The following FBXL2 variants were observed in gnomAD, a reference collection of about 807,000 sequenced individuals.
The protein encoded by FBXL2 is F-box/LRR-repeat protein 2.
A neutral mutation model predicts 69.2 loss-of-function variants in FBXL2; 38 were observed. The ratio of observed to expected loss-of-function variants is 0.55; its 90% CI spans 0.42 to 0.72. FBXL2 has a LOEUF of 0.72. Ranked by LOEUF, FBXL2 falls within the 30% of genes least tolerant of loss-of-function variation. FBXL2 has a pLI of 0.00. For synonymous variants in FBXL2, 192 were observed against 201.3 expected (o/e 0.95, Z 0.39); for missense variants, 354 against 520.3 (o/e 0.68, Z 3.11).
downstream of FBXL2, chr3:33,390,653 A>G (rs1293324930): frequency 4.2e-6 from 2 of 478,172 alleles, no homozygotes; most frequent in Non-Finnish European, 7.6e-6. Context: ...ATCAAGACAC[A>G]CAATAATAGT....
intron 13 of FBXL2, chr3:33,383,776 T>C: frequency 1.8e-6 from 1 of 550,140 alleles, no homozygotes; most frequent in South Asian, 2.1e-5. Context: ...CAGTCTGTTT[T>C]GTGCTGCTAC....
At chr3:33,289,636 A>G (rs1441552346) in intron 1 of FBXL2, 1 of 341,310 alleles carries the variant, frequency 2.9e-6, no homozygotes, top group Non-Finnish European at 4.1e-6. Flanking sequence ...TACTGACTGC[A>G]CATAGGCTGG....
At chr3:33,319,290 A>T (rs569742955) in intron 2 of FBXL2, among the ~76,000 whole-genome samples, 61 of 152,056 alleles carry the variant, frequency 4.0e-4, no homozygotes, top group Admixed American at 2.5e-3. Flanking sequence ...ATAATTTTTT[A>T]TATATCTCTT....
chr3:33,385,655 G>A lies in FBXL2; in HGVS notation c.*47G>A. 6.8e-7 allele frequency: 1 copy of A among 1,465,790 alleles called. No homozygotes were observed. Among genetic ancestry groups the A allele is most frequent in the Non-Finnish European group, 9.6e-7 (1 of 1,045,520 alleles). The allele number at this position is 1,465,790 out of a possible 1,614,324, so 90.8% of individuals were successfully genotyped here. On this transcript the variant is annotated 3_prime_UTR_variant, in exon 15 of 15. Transcript: ENST00000484457. Reference sequence around the variant, plus strand: ...GGGTGATGAGGCATCCTTTCCTCTAGAAGACCTGAGTCTTCCTGACCGACT... The same window carrying A: ...GGGTGATGAGGCATCCTTTCCTCTAAAAGACCTGAGTCTTCCTGACCGACT...
At chr3:33,422,381 C>G in the FBXL2 span, among the ~76,000 whole-genome samples, 2 of 151,386 alleles carry the variant, frequency 1.3e-5, no homozygotes, top group African/African-American at 4.9e-5. Context: ...TCTCTAAAAA[C>G]AAACAAATAA....
downstream of FBXL2, chr3:33,392,371 T>C: frequency 3.9e-6 from 2 of 518,794 alleles, no homozygotes; most frequent in Middle Eastern, 3.8e-4. Flanking sequence ...TCCAGTCATC[T>C]AGAAAGACTG....
intron 2 of FBXL2, among the ~76,000 whole-genome samples, chr3:33,355,631 G>A (rs1035349374): frequency 6.6e-6 from 1 of 152,174 alleles, no homozygotes; most frequent in African/African-American, 2.4e-5. Flanking sequence ...GTGGCACAAA[G>A]ACAGACTAAT....
At chr3:33,408,612 T>TA, downstream of FBXL2, 1 of 1,209,376 alleles carries the variant, frequency 8.3e-7, no homozygotes, top group South Asian at 1.6e-5. Flanking sequence ...TGGCTTTACT[T>TA]TGCGGTGGAA....
chr3:33,401,131 G>A, intron 12 of FBXL2: 1 of 903,764 alleles, frequency 1.1e-6, no homozygotes, highest in Non-Finnish European at 1.6e-6. Context: ...AGGCAACAGT[G>A]GGAGACAGCT....
intron 4 of FBXL2, among the ~76,000 whole-genome samples, chr3:33,360,085 A>G (rs969603453): frequency 2.0e-5 from 3 of 152,184 alleles, no homozygotes; most frequent in Admixed American, 1.3e-4. Context: ...GAGATTCTGA[A>G]GTTTATTTTC....
At chr3:33,411,755 A>G in the FBXL2 span, 1 of 1,247,442 alleles carries the variant, frequency 8.0e-7, no homozygotes, top group South Asian at 1.2e-5. Flanking sequence ...ACAACTTACT[A>G]TATTATGTTC....
intron 4 of FBXL2, among the ~76,000 whole-genome samples, chr3:33,363,447 C>G (rs949651999): frequency 6.6e-6 from 1 of 152,184 alleles, no homozygotes; most frequent in Admixed American, 6.5e-5. Flanking sequence ...ATCAAATTGT[C>G]CCTTTGAACT....
intron 2 of FBXL2, among the ~76,000 whole-genome samples, chr3:33,358,010 T>G (rs1228208240): frequency 6.6e-6 from 1 of 152,232 alleles, no homozygotes; most frequent in East Asian, 1.9e-4. Flanking sequence ...GATTCTACTC[T>G]TCTTCCCTGA....
chr3:33,346,175 G>A (rs1016023805), intron 2 of FBXL2, among the ~76,000 whole-genome samples: 3 of 152,112 alleles, frequency 2.0e-5, no homozygotes, highest in Non-Finnish European at 4.4e-5. Flanking sequence ...GCAGTAAGCT[G>A]AGATCGTGCC....
At position 33,383,992 on chromosome 3, in the gene FBXL2, C is replaced by T; in HGVS notation, c.955C>T (p.Leu319=). The change falls in exon 14 of 15, where the codon CTG becomes TTG. Residue 319 remains leucine, a synonymous_variant. Transcript: ENST00000484457. The stretch of plus-strand genomic sequence containing the variant: ...TACTCATGTCTTCCTGTTCCAGAGC[C>T]TGTCCCACTGTGAACTCATCACAGA... ...IHCPKLQALS[L]SHCELITDDG... The T allele has an allele frequency of 6.2e-7, 1 of 1,613,962 alleles. No individual in the cohort carries two copies. The highest frequency in any genetic ancestry group is 1.1e-5 in the South Asian group (1 of 91,062).
At chr3:33,370,429 A>AAAAAAT (rs1222801103) in intron 5 of FBXL2, among the ~76,000 whole-genome samples, 1 of 152,004 alleles carries the variant, frequency 6.6e-6, no homozygotes, top group Non-Finnish European at 1.5e-5. Flanking sequence ...AAAAAAAAAA[A>AAAAAAT]AAATTGCTGA....
intron 2 of FBXL2, chr3:33,300,714 T>TC (rs1183196899): frequency 6.6e-6 from 1 of 151,104 alleles, no homozygotes; most frequent in African/African-American, 2.4e-5. Flanking sequence ...TGCTTTCTTT[T>TC]TTTTTTTTTT....
chr3:33,341,815 G>A (rs1203051584), intron 2 of FBXL2, among the ~76,000 whole-genome samples: 1 of 111,832 alleles, frequency 8.9e-6, no homozygotes, highest in South Asian at 4.1e-4. Context: ...AGGTGACAGA[G>A]CAAGACTCCG....
chr3:33,364,760 G>A (rs2154043298), intron 5 of FBXL2, 41 bp downstream of exon 5: 1 of 1,519,088 alleles, frequency 6.6e-7, no homozygotes, highest in Non-Finnish European at 9.1e-7. Context: ...GCAGCTTGTA[G>A]CATTTTCATC....
Sources: allele counts gnomAD v4.1 joint callset (sites outside exome capture counted in the v4.1 genomes callset), GRCh38; gene constraint gnomAD v4.1.1; transcripts MANE v1.5; gene names NCBI Gene and HGNC (gene_info 2026-07-23, HGNC 2026-07-21).